Variants in RCAN3 observed in about 807,000 individuals in gnomAD.
RCAN3 encodes the protein calcipressin-3.
Under a neutral mutation model 21.9 loss-of-function variants are expected in RCAN3, and 19 were observed. The observed-to-expected ratio is 0.87, with a 90% CI of 0.61 to 1.27. The LOEUF is 1.27. RCAN3 is among the 50% of genes most tolerant of loss of function. RCAN3 has a pLI of 0.00. For synonymous variants in RCAN3, 114 were observed against 112.3 expected, an observed-to-expected ratio of 1.01 and a Z score of -0.09; for missense variants, 240 against 300.1, an observed-to-expected ratio of 0.80 and a Z score of 1.48.
intron 2 of RCAN3, among the ~76,000 whole-genome samples, chr1:24,521,136 G>A (rs1648770365): frequency 6.6e-6 from 1 of 152,174 alleles, no homozygotes; most frequent in African/African-American, 2.4e-5. Context: ...TGAATAGAAA[G>A]CCCAGAGACG....
rs749434768 is a variant in RCAN3 at position 24,537,416 on chromosome 1, A to G, written c.*2139A>G. ...AATGAATTTTTTTAAAAAAGCTACT[A>G]AGTACCCATCAACTTTTTCATATTG... On this transcript the variant is annotated 3_prime_UTR_variant, in exon 5 of 5. Transcript: ENST00000374395. The G allele has an allele frequency of 2.6e-5, 4 of 152,146 alleles. No individual in the cohort carries two copies. Among genetic ancestry groups the G allele is most frequent in the Non-Finnish European group, 5.9e-5 (4 of 68,026 alleles). 9.4% of individuals were successfully genotyped at this position (152,146 alleles called of 1,614,324 possible). A position where few individuals can be genotyped will look rare whatever the true frequency, so the allele number is the denominator to read the frequency against.
intron 2 of RCAN3, among the ~76,000 whole-genome samples, chr1:24,516,807 C>T (rs1648359158): frequency 6.6e-6 from 1 of 152,006 alleles, no homozygotes. Context: ...GATGACCCAC[C>T]CCAAGCGGAG....
Position 24,514,498 on chromosome 1 carries a change from A to C in RCAN3, c.126A>C (p.Leu42Phe). 1 of 1,614,152 alleles carries C rather than the reference A, an allele frequency of 6.2e-7. No homozygotes were observed. ...NEDDLDEMMD[L>F]SDLPTSLFAC... The stretch of plus-strand genomic sequence containing the variant: ...ATGATTTGGATGAGATGATGGATTT[A>C]AGTGATCTGCCTACCTCACTTTTTG... Residue 42 changes from leucine to phenylalanine, a missense_variant, in exon 2 of 5, where the codon TTA (leucine) becomes TTC (phenylalanine). Transcript: ENST00000374395.
In RCAN3 at chr1:24,539,874, G is replaced by T. The variant is rs1357200523; in HGVS notation, c.*4597G>T. On this transcript the variant is annotated 3_prime_UTR_variant, in exon 5 of 5. Coordinates refer to ENST00000374395, the MANE Select transcript of RCAN3 (RefSeq NM_013441.4). ...TGCACATTTGCATTTATATCTTCCT[G>T]TACTAAAAGAAACAAATTATTTATA... 3 of 151,942 alleles carry T rather than the reference G, an allele frequency of 2.0e-5. No homozygotes were observed. The highest frequency in any genetic ancestry group is 7.3e-5 in the African/African-American group (3 of 41,332). 9.4% of individuals were successfully genotyped at this position (151,942 alleles called of 1,614,324 possible).
At chr1:24,515,428 GT>G (rs1648232261) in intron 2 of RCAN3, among the ~76,000 whole-genome samples, 3 of 21,256 alleles carry the variant, frequency 1.4e-4, no homozygotes, top group African/African-American at 2.0e-3. Context: ...AGAAAGAGAG[GT>G]GTGTGTGTGT....
intron 2 of RCAN3, among the ~76,000 whole-genome samples, chr1:24,522,998 T>C (rs114332860): frequency 6.6e-6 from 1 of 152,226 alleles, no homozygotes; most frequent in African/African-American, 2.4e-5. Context: ...CTATATTTGT[T>C]GGTCAAAAGT....
At chr1:24,533,670 TAC>T (rs1649982100) in intron 4 of RCAN3, among the ~76,000 whole-genome samples, 1 of 152,084 alleles carries the variant, frequency 6.6e-6, no homozygotes, top group East Asian at 1.9e-4. Context: ...CATGGTGGCG[TAC>T]GCCTATAGTC....
Position 24,533,188 on chromosome 1 carries a change from CAG to C in RCAN3, c.478_479del (p.Ser160ArgfsTer10), listed in dbSNP as rs1649935579. The C allele has an allele frequency of 6.2e-7, 1 of 1,607,488 alleles. No homozygotes were observed. Among genetic ancestry groups the C allele is most frequent in the Non-Finnish European group, 8.5e-7 (1 of 1,177,884 alleles). On this transcript the variant is annotated frameshift_variant, in exon 4 of 5. Coordinates refer to ENST00000374395, the MANE Select transcript of RCAN3 (RefSeq NM_013441.4). LOFTEE classifies it high-confidence loss of function. ...PPASPPVGWK[Q>X]SEDAMPVINY... ...AGCCTCTCCCCCGGTGGGGTGGAAG[CAG>C]AGCGAAGATGCGATGCCTGTTATAA...
intron 2 of RCAN3, among the ~76,000 whole-genome samples, chr1:24,529,459 G>A (rs1251925114): frequency 1.3e-5 from 2 of 151,488 alleles, no homozygotes; most frequent in African/African-American, 4.8e-5. Context: ...TGAAGTAGGG[G>A]CGGGTGGCTT....
At chr1:24,517,229 C>T (rs1167080402) in intron 2 of RCAN3, among the ~76,000 whole-genome samples, 1 of 152,060 alleles carries the variant, frequency 6.6e-6, no homozygotes, top group African/African-American at 2.4e-5. Context: ...ATTCTCCTGC[C>T]TCAGCTTCCT....
At chr1:24,520,483 C>A (rs573409380) in intron 2 of RCAN3, among the ~76,000 whole-genome samples, 1 of 152,008 alleles carries the variant, frequency 6.6e-6, no homozygotes, top group Non-Finnish European at 1.5e-5. Flanking sequence ...GTACATACAC[C>A]GTGGAATACT....
At chr1:24,524,827 T>TG (rs775083968) in intron 2 of RCAN3, among the ~76,000 whole-genome samples, 1 of 112,420 alleles carries the variant, frequency 8.9e-6, no homozygotes, top group East Asian at 2.7e-4. Flanking sequence ...TGTTTTCTTT[T>TG]GTTTTTTTTT....
chr1:24,537,997 G>A lies in RCAN3; in HGVS notation c.*2720G>A, dbSNP rs1459171977. On this transcript the variant is annotated 3_prime_UTR_variant, in exon 5 of 5. Coordinates refer to ENST00000374395, the MANE Select transcript of RCAN3 (RefSeq NM_013441.4). Reference sequence around the variant, plus strand: ...GGAATCAAACTATGTTGAAAATTGTGAGGAAAGATAATGGTGCTTTGTGTT... The same window carrying A: ...GGAATCAAACTATGTTGAAAATTGTAAGGAAAGATAATGGTGCTTTGTGTT... The A allele has an allele frequency of 6.6e-6, 1 of 152,204 alleles. No individual in the cohort carries two copies. The allele number at this position is 152,204 out of a possible 1,614,324, so 9.4% of individuals were successfully genotyped here.
At chr1:24,512,913 C>T (rs949932177) in intron 1 of RCAN3, among the ~76,000 whole-genome samples, 3 of 152,118 alleles carry the variant, frequency 2.0e-5, no homozygotes, top group Non-Finnish European at 4.4e-5. Flanking sequence ...CAGCTCCAGA[C>T]ATTTGCCTTA....
intron 1 of RCAN3, among the ~76,000 whole-genome samples, chr1:24,508,665 A>G (rs1647643294): frequency 6.6e-6 from 1 of 152,178 alleles, no homozygotes; most frequent in African/African-American, 2.4e-5. Context: ...GAGACCTGAC[A>G]CTGGGTTTCA....
chr1:24,504,278 C>T (rs1647280312), intron 1 of RCAN3, among the ~76,000 whole-genome samples: 1 of 152,206 alleles, frequency 6.6e-6, no homozygotes, highest in Non-Finnish European at 1.5e-5. Flanking sequence ...CCTCAACTTC[C>T]CAGGATCAAG....
chr1:24,523,648 A>ATATTT (rs113786883), intron 2 of RCAN3, among the ~76,000 whole-genome samples: 9 of 139,704 alleles, frequency 6.4e-5, no homozygotes, highest in African/African-American at 2.5e-4. Context: ...ACACATATAT[A>ATATTT]TTTTTTTTCT....
chr1:24,531,328 A>C lies in RCAN3; in HGVS notation c.306A>C (p.Arg102Ser). ...INFSKPEAAA[R>S]ARIELHETDF... ...TCAGCAAACCTGAAGCGGCAGCAAG[A>C]GCGCGAATAGAACTCCACGAAACAG... Residue 102 changes from arginine (R) to serine (S), a missense_variant, in exon 3 of 5, where the codon AGA (arginine) becomes AGC (serine). Coordinates refer to ENST00000374395, the MANE Select transcript of RCAN3 (RefSeq NM_013441.4). The C allele has an allele frequency of 6.2e-7, 1 of 1,613,992 alleles. No individual in the cohort carries two copies. Among genetic ancestry groups the C allele is most frequent in the Non-Finnish European group, 8.5e-7 (1 of 1,179,924 alleles).
chr1:24,518,004 G>A (rs549141098), intron 2 of RCAN3, among the ~76,000 whole-genome samples: 1 of 151,862 alleles, frequency 6.6e-6, no homozygotes, highest in Admixed American at 6.6e-5. Flanking sequence ...GAATAATCCC[G>A]ATTGCAATTA....
Sources: allele counts gnomAD v4.1 joint callset (sites outside exome capture counted in the v4.1 genomes callset), GRCh38; gene constraint gnomAD v4.1.1; transcripts MANE v1.5; gene names NCBI Gene and HGNC (gene_info 2026-07-23, HGNC 2026-07-21).